Variants in CYP39A1 observed in about 807,000 individuals in gnomAD.
The protein encoded by CYP39A1 is 24-hydroxycholesterol 7-alpha-hydroxylase.
CYP39A1 carries 49 observed loss-of-function variants against 58.1 expected under a neutral mutation model. The ratio of observed to expected loss-of-function variants is 0.84; its 90% confidence interval spans 0.67 to 1.07. The LOEUF is 1.07. CYP39A1 is among the 50% of genes least tolerant of loss of function. CYP39A1 has a pLI of 0.00. For missense variants in CYP39A1, 531 were observed against 539.4 expected, an observed-to-expected ratio of 0.98 and a Z score of 0.16; for synonymous variants, 209 against 187.6, an observed-to-expected ratio of 1.11 and a Z score of -0.93.
intron 10 of CYP39A1, among the ~76,000 whole-genome samples, chr6:46,566,410 G>A (rs1384929735): frequency 6.6e-6 from 1 of 152,076 alleles, no homozygotes; most frequent in Admixed American, 6.6e-5. Context: ...AAGGTGAAGG[G>A]GAAGGAAGGC....
intron 4 of CYP39A1, among the ~76,000 whole-genome samples, chr6:46,637,463 C>T (rs960140584): frequency 1.5e-4 from 23 of 152,318 alleles, no homozygotes; most frequent in African/African-American, 5.5e-4. Flanking sequence ...ATGTTTGCCT[C>T]AGAGAGAATG....
At chr6:46,631,750 G>C (rs964147457) in intron 5 of CYP39A1, among the ~76,000 whole-genome samples, 4 of 152,208 alleles carry the variant, frequency 2.6e-5, no homozygotes, top group Non-Finnish European at 5.9e-5. Context: ...CATTTGACTT[G>C]AACAGTGACA....
Position 46,588,067 on chromosome 6 carries a change from T to C in CYP39A1, c.1128A>G (p.Pro376=). Residue 376 remains proline, a synonymous_variant, in exon 9 of 12, where the codon CCA becomes CCG. Transcript: ENST00000275016. ...MLSPFWLHRN[P]KYFPEPELFK... is the part of the protein sequence containing the mutation. ...ACAATTCAGGCTCAGGAAAATACTT[T>C]GGATTTCTATGCAGCCAAAATGGAG... 1.9e-6 allele frequency: 3 copies of C among 1,591,250 alleles called. No homozygotes were observed. The highest frequency in any genetic ancestry group is 1.7e-6 in the Non-Finnish European group (2 of 1,168,046).
chr6:46,573,687 A>C lies in CYP39A1; in HGVS notation c.1250+13390T>G, dbSNP rs562834772. ...ACATAGGTGATCAGAGCAACATCAGAGCCAGAGTCCTGGGCTCAGGAGTGT... is the reference window on the plus strand; with the variant it reads ...ACATAGGTGATCAGAGCAACATCAGCGCCAGAGTCCTGGGCTCAGGAGTGT... On this transcript the variant is annotated intron_variant, in intron 10 of 11. Transcript: ENST00000275016. Among the ~76,000 whole-genome samples, 9 of 152,280 alleles carry C rather than the reference A, an allele frequency of 5.9e-5. 1 individual carries two copies. In the East Asian group the frequency reaches 1.7e-3, roughly 29 times the overall value.
At chr6:46,637,390 C>A (rs1220017237) in intron 4 of CYP39A1, among the ~76,000 whole-genome samples, 1 of 152,220 alleles carries the variant, frequency 6.6e-6, no homozygotes, top group Non-Finnish European at 1.5e-5. Flanking sequence ...AGTTACTTTG[C>A]ATGTGCCTCA....
intron 10 of CYP39A1, among the ~76,000 whole-genome samples, chr6:46,584,617 T>C (rs183235589): frequency 6.6e-6 from 1 of 152,282 alleles, no homozygotes; most frequent in East Asian, 1.9e-4. Flanking sequence ...GTGAGCTGCA[T>C]ACAAACTCAT....
chr6:46,591,742 C>A (rs953937616), intron 8 of CYP39A1, among the ~76,000 whole-genome samples: 1 of 151,818 alleles, frequency 6.6e-6, no homozygotes, highest in Non-Finnish European at 1.5e-5. Flanking sequence ...TTAAAAAAAA[C>A]CCACTTTTAG....
chr6:46,652,312 C>T (rs1486445644), intron 1 of CYP39A1, 94 bp downstream of exon 1: 2 of 1,240,034 alleles, frequency 1.6e-6, no homozygotes, highest in Non-Finnish European at 1.1e-6. Context: ...GTATGTTCCC[C>T]GTGTTCTAGC....
chr6:46,552,794 C>T (rs1770473160), intron 11 of CYP39A1, among the ~76,000 whole-genome samples: 1 of 152,118 alleles, frequency 6.6e-6, no homozygotes, highest in Admixed American at 6.5e-5. Flanking sequence ...GTTAGAAATG[C>T]AAATTCTGGG....
chr6:46,627,422 ATT>A (rs10568938), intron 6 of CYP39A1, among the ~76,000 whole-genome samples: 309 of 129,662 alleles, frequency 2.4e-3, no homozygotes, highest in African/African-American at 2.3e-3. Flanking sequence ...TTATTTATTT[ATT>A]TTTTTTTTTT....
At chr6:46,588,155 T>C in intron 8 of CYP39A1, 26 bp from the exon 9 acceptor site, 1 of 1,441,534 alleles carries the variant, frequency 6.9e-7, no homozygotes, top group Non-Finnish European at 9.6e-7. Flanking sequence ...CAGCTGCAAA[T>C]CATTTTTTTG....
intron 10 of CYP39A1, among the ~76,000 whole-genome samples, chr6:46,585,095 G>T (rs140942001): frequency 5.3e-5 from 8 of 152,062 alleles, no homozygotes; most frequent in Non-Finnish European, 1.2e-4. Flanking sequence ...CAGCATCATG[G>T]TTCCCTTTAT....
intron 7 of CYP39A1, among the ~76,000 whole-genome samples, chr6:46,612,682 T>C (rs1774286649): frequency 6.6e-6 from 1 of 152,196 alleles, no homozygotes; most frequent in African/African-American, 2.4e-5. Context: ...AGGCTACTGG[T>C]GGGAATGGAG....
At chr6:46,617,717 A>T (rs966233174) in intron 7 of CYP39A1, among the ~76,000 whole-genome samples, 6 of 152,180 alleles carry the variant, frequency 3.9e-5, no homozygotes, top group African/African-American at 1.2e-4. Context: ...AAGTTATCTA[A>T]TTGGGATTTC....
At chr6:46,556,126 A>T (rs964016563) in intron 10 of CYP39A1, among the ~76,000 whole-genome samples, 1 of 152,234 alleles carries the variant, frequency 6.6e-6, no homozygotes, top group Admixed American at 6.5e-5. Flanking sequence ...TAAAGTAACA[A>T]AAGTTGGTGT....
At chr6:46,575,943 C>T (rs1200279754) in intron 10 of CYP39A1, among the ~76,000 whole-genome samples, 2 of 152,136 alleles carry the variant, frequency 1.3e-5, no homozygotes, top group Non-Finnish European at 2.9e-5. Context: ...ATACCTGAGA[C>T]TGTAATTTAT....
rs568464213 is a variant in CYP39A1, at chr6:46,604,180, C to G, written c.932-8060G>C. Among the ~76,000 whole-genome samples, 7 of 152,232 alleles carry G rather than the reference C, an allele frequency of 4.6e-5. No homozygotes were observed. The East Asian group carries it at 1.4e-3, about 29-fold the overall frequency. On this transcript the variant is annotated intron_variant, in intron 7 of 11. Coordinates refer to ENST00000275016, the MANE Select transcript of CYP39A1 (RefSeq NM_016593.5). ...CACATACCCAGAGGGCACATGAGAG[C>G]AAATGTTAAGGAAATCAATTCCCTG... is the stretch of plus-strand genomic sequence containing the variant.
At chr6:46,604,538 T>C (rs531890000) in intron 7 of CYP39A1, among the ~76,000 whole-genome samples, 1 of 152,318 alleles carries the variant, frequency 6.6e-6, no homozygotes, top group Non-Finnish European at 1.5e-5. Flanking sequence ...TTACAAACCA[T>C]GTTTGTCCAC....
intron 10 of CYP39A1, among the ~76,000 whole-genome samples, chr6:46,558,960 C>T (rs778012934): frequency 2.8e-5 from 4 of 144,886 alleles, no homozygotes; most frequent in African/African-American, 5.2e-5. Flanking sequence ...CGCGCCACTG[C>T]GCTCCAACCT....
Sources: allele counts gnomAD v4.1 joint callset (sites outside exome capture counted in the v4.1 genomes callset), GRCh38; gene constraint gnomAD v4.1.1; transcripts MANE v1.5; gene names NCBI Gene and HGNC (gene_info 2026-07-23, HGNC 2026-07-21).